The following CDH12 variants were observed in gnomAD, a reference collection of about 807,000 sequenced individuals.
The protein encoded by CDH12 is cadherin-12.
In CDH12, 41 loss-of-function variants were observed where a neutral mutation model predicts 74.1. The observed-to-expected ratio is 0.55, with a 90% CI of 0.43 to 0.72. The LOEUF (loss-of-function observed/expected upper bound fraction) is 0.72. Ranked by LOEUF, CDH12 falls within the 30% of genes least tolerant of loss-of-function variation. The pLI, the probability that CDH12 is intolerant of heterozygous loss-of-function variation, is 0.00. For synonymous variants in CDH12, 399 were observed against 355.0 expected, an observed-to-expected ratio of 1.12 and a Z score of -1.39; for missense variants, 945 against 977.2, an observed-to-expected ratio of 0.97 and a Z score of 0.44.
chr5:22,489,144 A>G (rs1408019069), intron 2 of CDH12, among the ~76,000 whole-genome samples: 122 of 133,102 alleles, frequency 9.2e-4, no homozygotes, highest in Admixed American at 5.1e-3. Flanking sequence ...TGCAAGCTCC[A>G]CCTCCTGGGT....
chr5:22,085,249 C>A (rs1468786730), intron 4 of CDH12, among the ~76,000 whole-genome samples: 1 of 151,980 alleles, frequency 6.6e-6, no homozygotes, highest in Admixed American at 6.6e-5. Flanking sequence ...AGTAACACTT[C>A]CTTGAAGTGT....
At chr5:22,563,899 C>T (rs1365685438) in intron 1 of CDH12, among the ~76,000 whole-genome samples, 2 of 152,104 alleles carry the variant, frequency 1.3e-5, no homozygotes, top group Non-Finnish European at 2.9e-5. Context: ...CACTAGAGTA[C>T]AGCATGAGAA....
At chr5:21,811,292 T>G (rs1023672022) in intron 9 of CDH12, among the ~76,000 whole-genome samples, 26 of 152,116 alleles carry the variant, frequency 1.7e-4, no homozygotes, top group Non-Finnish European at 3.1e-4. Flanking sequence ...GGTAGAGAAC[T>G]GTTTGAAAAA....
intron 5 of CDH12, among the ~76,000 whole-genome samples, chr5:21,984,655 G>C (rs576195269): frequency 6.6e-6 from 1 of 152,164 alleles, no homozygotes; most frequent in African/African-American, 2.4e-5. Flanking sequence ...TTGTTCCTCT[G>C]TTATAAATTA....
Position 22,590,479 on chromosome 5 carries a change from A to G in CDH12, c.-522-85115T>C, listed in dbSNP as rs79929979. Among the ~76,000 whole-genome samples, 311 of 152,270 alleles carry G rather than the reference A, an allele frequency of 2.0e-3. 3 individuals are homozygous for G. The highest frequency in any genetic ancestry group is 7.1e-3 in the African/African-American group (293 of 41,558). The stretch of plus-strand genomic sequence containing the variant: ...AAAATAAGCAAATATTTAATATAAA[A>G]CTGATTATACAGTTGAAATTGCTAA... On this transcript the variant is annotated intron_variant, in intron 1 of 14. Transcript: ENST00000382254.
At chr5:21,967,614 C>T (rs1580040449) in intron 6 of CDH12, among the ~76,000 whole-genome samples, 1 of 152,146 alleles carries the variant, frequency 6.6e-6, no homozygotes. Context: ...TCAGTGGCTG[C>T]TAAAGTAACT....
chr5:21,901,045 T>C (rs1434860739), intron 6 of CDH12, among the ~76,000 whole-genome samples: 1 of 152,194 alleles, frequency 6.6e-6, no homozygotes, highest in Non-Finnish European at 1.5e-5. Context: ...ATTTAAACGT[T>C]TGATTTAAAT....
At chr5:22,383,317 T>G (rs181120786) in intron 3 of CDH12, among the ~76,000 whole-genome samples, 36 of 152,274 alleles carry the variant, frequency 2.4e-4, no homozygotes, top group Non-Finnish European at 1.5e-5. Flanking sequence ...TGAGCACACG[T>G]AAGTCCAATG....
intron 4 of CDH12, among the ~76,000 whole-genome samples, chr5:22,185,946 G>A (rs1022563835): frequency 3.3e-5 from 5 of 152,164 alleles, no homozygotes; most frequent in Non-Finnish European, 4.4e-5. Context: ...ACCAGTAGGA[G>A]AACCTGGTCA....
chr5:22,331,674 G>A (rs555254575), intron 3 of CDH12, among the ~76,000 whole-genome samples: 1 of 152,242 alleles, frequency 6.6e-6, no homozygotes, highest in Admixed American at 6.5e-5. Context: ...AGGCATCAGA[G>A]ACCAAATACT....
At chr5:22,185,298 A>C (rs1006975167) in intron 4 of CDH12, among the ~76,000 whole-genome samples, 1 of 150,636 alleles carries the variant, frequency 6.6e-6, no homozygotes, top group African/African-American at 2.4e-5. Context: ...TCCCAGGTTC[A>C]AGTGATTCTC....
intron 4 of CDH12, among the ~76,000 whole-genome samples, chr5:22,105,121 C>T (rs1744351961): frequency 6.6e-6 from 1 of 151,742 alleles, no homozygotes; most frequent in South Asian, 2.1e-4. Flanking sequence ...GAGATTGAGT[C>T]TCACTCTGTT....
intron 4 of CDH12, among the ~76,000 whole-genome samples, chr5:22,106,354 G>T (rs186598844): frequency 6.6e-6 from 1 of 152,032 alleles, no homozygotes; most frequent in African/African-American, 2.4e-5. Context: ...TCATTTTTAT[G>T]CAAATTTTCA....
At chr5:22,721,021 T>C (rs530897989) in intron 1 of CDH12, among the ~76,000 whole-genome samples, 1 of 152,334 alleles carries the variant, frequency 6.6e-6, no homozygotes, top group East Asian at 1.9e-4. Context: ...TTTGCATAAG[T>C]AACAAGGAAC....
At chr5:22,282,658 C>G (rs1045759241) in intron 3 of CDH12, among the ~76,000 whole-genome samples, 2 of 152,102 alleles carry the variant, frequency 1.3e-5, no homozygotes, top group African/African-American at 4.8e-5. Context: ...CATCACTGAT[C>G]ATTAGAGAAA....
At chr5:22,719,512 G>A (rs529589901) in intron 1 of CDH12, among the ~76,000 whole-genome samples, 2 of 152,130 alleles carry the variant, frequency 1.3e-5, no homozygotes, top group African/African-American at 4.8e-5. Flanking sequence ...GACTGCAAAT[G>A]TGTGTCTAGT....
At chr5:21,875,367 T>G (rs2150024425) in intron 6 of CDH12, among the ~76,000 whole-genome samples, 1 of 152,278 alleles carries the variant, frequency 6.6e-6, no homozygotes, top group Admixed American at 6.5e-5. Context: ...GCATATAAAT[T>G]TCTTAGCTTA....
chr5:22,672,780 A>C (rs1362242886), intron 1 of CDH12, among the ~76,000 whole-genome samples: 1 of 152,184 alleles, frequency 6.6e-6, no homozygotes, highest in Non-Finnish European at 1.5e-5. Context: ...GTCAAGTTTA[A>C]ATTGGCAGTG....
chr5:22,253,340 CTG>C (rs1375327109), intron 3 of CDH12, among the ~76,000 whole-genome samples: 1 of 151,786 alleles, frequency 6.6e-6, no homozygotes, highest in African/African-American at 2.4e-5. Context: ...AACTTTATAA[CTG>C]TTAATAAATA....
Sources: gnomAD v4.1 joint callset for allele counts (sites outside exome capture counted in the v4.1 genomes callset) on GRCh38, gnomAD v4.1.1 for gene constraint, MANE v1.5 for transcripts, NCBI Gene and HGNC (gene_info 2026-07-23, HGNC 2026-07-21) for gene names.